METAP1D: variants seen among roughly 807,000 people sequenced by gnomAD.
METAP1D encodes the protein methionine aminopeptidase 1D, mitochondrial.
In METAP1D, 31 loss-of-function variants were observed where a neutral mutation model predicts 40.5. The observed-to-expected ratio is 0.77, with a 90% CI of 0.58 to 1.03. The LOEUF (loss-of-function observed/expected upper bound fraction) is 1.03. Ranked by LOEUF, METAP1D falls within the 50% of genes least tolerant of loss-of-function variation. METAP1D has a pLI of 0.00. For missense variants in METAP1D, 411 were observed against 420.7 expected, an observed-to-expected ratio of 0.98 and a Z score of 0.20; for synonymous variants, 151 against 146.4, an observed-to-expected ratio of 1.03 and a Z score of -0.22.
intron 1 of METAP1D, among the ~76,000 whole-genome samples, chr2:172,013,919 C>G (rs1309842571): frequency 6.8e-6 from 1 of 147,760 alleles, no homozygotes; most frequent in Non-Finnish European, 1.5e-5. Context: ...CTCCTGGGTT[C>G]AAGCGATTCT....
intron 1 of METAP1D, among the ~76,000 whole-genome samples, chr2:172,026,865 AG>A (rs1451760092): frequency 6.6e-6 from 1 of 152,170 alleles, no homozygotes; most frequent in Admixed American, 6.6e-5. Context: ...TCCAGAGGGA[AG>A]GGGATAAATT....
At chr2:172,078,807 G>A (rs1187322841) in intron 7 of METAP1D, among the ~76,000 whole-genome samples, 1 of 152,150 alleles carries the variant, frequency 6.6e-6, no homozygotes, top group East Asian at 1.9e-4. Context: ...CTGCACCAAA[G>A]GAGGCTTCCC....
At chr2:172,070,867 T>G (rs1402460776) in intron 5 of METAP1D, 40 bp from the exon 6 acceptor site, 3 of 1,532,122 alleles carry the variant, frequency 2.0e-6, no homozygotes, top group Non-Finnish European at 1.8e-6. Flanking sequence ...AAGTAGATTT[T>G]TAAACAAGGA....
In METAP1D at chr2:172,080,498, C is replaced by A; in HGVS notation, c.*92C>A. 1 of 1,381,002 alleles carries A rather than the reference C, an allele frequency of 7.2e-7. No individual in the cohort carries two copies. Among genetic ancestry groups the A allele is most frequent in the Non-Finnish European group, 1.0e-6 (1 of 977,246 alleles). 85.5% of individuals were successfully genotyped at this position (1,381,002 alleles called of 1,614,324 possible). ...ACTTTTAGAAGAAACAGGGAAATGA[C>A]CGGTGGTGCGGTAACCTGCGTGGCT... On this transcript the variant is annotated 3_prime_UTR_variant, in exon 10 of 10. Coordinates refer to ENST00000315796, the MANE Select transcript of METAP1D (RefSeq NM_199227.3).
At chr2:172,063,683 T>C in intron 2 of METAP1D, 28 bp from the exon 3 acceptor site, 1 of 1,568,778 alleles carries the variant, frequency 6.4e-7, no homozygotes, top group Non-Finnish European at 8.8e-7. Context: ...TGGGTTCTGA[T>C]CTTCGTTTTC....
intron 4 of METAP1D, 90 bp downstream of exon 4, chr2:172,065,842 A>G: frequency 7.4e-7 from 1 of 1,348,000 alleles, no homozygotes; most frequent in South Asian, 1.4e-5. Context: ...CTATCATTCA[A>G]TTGAAACCCA....
chr2:172,056,595 A>G (rs539776122), intron 1 of METAP1D, among the ~76,000 whole-genome samples: 1 of 152,352 alleles, frequency 6.6e-6, no homozygotes, highest in East Asian at 1.9e-4. Flanking sequence ...ACATGCAATG[A>G]GTTCATTAAG....
intron 6 of METAP1D, among the ~76,000 whole-genome samples, chr2:172,073,515 AG>A (rs1690473393): frequency 1.3e-5 from 2 of 152,220 alleles, no homozygotes; most frequent in South Asian, 4.1e-4. Flanking sequence ...CAGATCAGTC[AG>A]TCCCAACAAC....
intron 2 of METAP1D, among the ~76,000 whole-genome samples, chr2:172,062,631 C>A (rs1255418711): frequency 2.0e-5 from 3 of 149,138 alleles, no homozygotes; most frequent in African/African-American, 7.5e-5. Flanking sequence ...TGGGGGAGAC[C>A]TGGTGAGCAT....
intron 6 of METAP1D, among the ~76,000 whole-genome samples, chr2:172,072,736 C>T (rs1436710795): frequency 1.3e-5 from 2 of 152,000 alleles, no homozygotes; most frequent in African/African-American, 4.8e-5. Flanking sequence ...CTTTGTGGCT[C>T]TCATTCTTTT....
chr2:172,006,778 A>G (rs1020127131), intron 1 of METAP1D, among the ~76,000 whole-genome samples: 2 of 152,194 alleles, frequency 1.3e-5, no homozygotes, highest in Non-Finnish European at 2.9e-5. Flanking sequence ...TCATCAACCT[A>G]TGGCCACTAT....
rs1359896146 is a variant in METAP1D, at chr2:172,042,541, A to G, written c.41-18957A>G. On this transcript the variant is annotated intron_variant, in intron 1 of 9. Coordinates refer to ENST00000315796, the MANE Select transcript of METAP1D (RefSeq NM_199227.3). ...TGTGTACATGTGTACATATATACAT[A>G]TATGTGTGTATGTGTACATGTGCAC... Among the ~76,000 whole-genome samples, 58 of 39,626 alleles carry G rather than the reference A, an allele frequency of 1.5e-3. 24 individuals carry two copies. Among genetic ancestry groups the G allele is most frequent in the Non-Finnish European group, 2.3e-3 (49 of 20,942 alleles). The allele number at this position is 39,626 out of a possible 152,430, so 26.0% of individuals were successfully genotyped here. A position where few individuals can be genotyped will look rare whatever the true frequency, so the allele number is the denominator to read the frequency against.
intron 1 of METAP1D, among the ~76,000 whole-genome samples, chr2:172,051,697 G>C (rs1402887519): frequency 6.6e-6 from 1 of 152,128 alleles, no homozygotes; most frequent in Non-Finnish European, 1.5e-5. Flanking sequence ...GAAGCGCTCT[G>C]TGACTGACTT....
intron 8 of METAP1D, among the ~76,000 whole-genome samples, chr2:172,079,475 A>G (rs960886285): frequency 5.9e-5 from 9 of 152,172 alleles, no homozygotes; most frequent in East Asian, 1.9e-4. Context: ...CAGCCATCCA[A>G]CCTCTAATTC....
At position 172,066,326 on chromosome 2, in the gene METAP1D, A is replaced by C. The variant is rs938742140; in HGVS notation, c.540+20A>C. On this transcript the variant is annotated intron_variant, in intron 5 of 9. Coordinates refer to ENST00000315796, the MANE Select transcript of METAP1D (RefSeq NM_199227.3). ...GTCACAGTGAGTAAATCATATAAAA[A>C]ATTGTCTTTGATCAACTTCAGAATT... 1 of 1,602,716 alleles carries C rather than the reference A, an allele frequency of 6.2e-7. No homozygotes were observed. The highest frequency in any genetic ancestry group is 1.3e-5 in the African/African-American group (1 of 74,542).
chr2:172,042,088 A>C (rs1190325867), intron 1 of METAP1D, among the ~76,000 whole-genome samples: 1 of 125,112 alleles, frequency 8.0e-6, no homozygotes, highest in Non-Finnish European at 1.8e-5. Context: ...GGCATAAGCC[A>C]CTGTGCCTGG....
rs114788571 is a variant in METAP1D at position 172,076,763 on chromosome 2, A to G, written c.705-1034A>G. Among the ~76,000 whole-genome samples the G allele has an allele frequency of 3.1e-3, 476 of 152,380 alleles. 2 individuals are homozygous for G. Among genetic ancestry groups the G allele is most frequent in the African/African-American group, 0.01 (435 of 41,596 alleles). On this transcript the variant is annotated intron_variant, in intron 6 of 9. Transcript: ENST00000315796. ...TGTTAAACTAAACTTAGAGTCTGTTAGAGACTCTAGTTTGAGATCTAGAAA... is the reference window on the plus strand; with the variant it reads ...TGTTAAACTAAACTTAGAGTCTGTTGGAGACTCTAGTTTGAGATCTAGAAA...
intron 1 of METAP1D, among the ~76,000 whole-genome samples, chr2:172,027,386 TC>T (rs1383529468): frequency 6.6e-6 from 1 of 152,260 alleles, no homozygotes; most frequent in African/African-American, 2.4e-5. Flanking sequence ...ACCATTGTGT[TC>T]CAGTTGCTGA....
Position 172,044,757 on chromosome 2 carries a change from T to C in METAP1D, c.41-16741T>C, listed in dbSNP as rs1689698690. ...CCCCATTTCTACTTAAAATACAAAA[T>C]TAGCTGGTCGTGGTGGCACATGCCT... On this transcript the variant is annotated intron_variant, in intron 1 of 9. Coordinates refer to ENST00000315796, the MANE Select transcript of METAP1D (RefSeq NM_199227.3). Among the ~76,000 whole-genome samples the C allele has an allele frequency of 1.6e-5, 2 of 125,388 alleles. 1 individual carries two copies. The highest frequency in any genetic ancestry group is 5.2e-4 in the South Asian group (2 of 3,864). 82.3% of individuals were successfully genotyped at this position (125,388 alleles called of 152,430 possible). A position where few individuals can be genotyped will look rare whatever the true frequency, so the allele number is the denominator to read the frequency against.
Sources: allele counts gnomAD v4.1 joint callset (sites outside exome capture counted in the v4.1 genomes callset), GRCh38; gene constraint gnomAD v4.1.1; transcripts MANE v1.5; gene names NCBI Gene and HGNC (gene_info 2026-07-23, HGNC 2026-07-21).